The following MRPS6 variants were observed in gnomAD, a reference collection of about 807,000 sequenced individuals.
MRPS6 encodes small ribosomal subunit protein bS6m.
MRPS6 carries 6 observed loss-of-function variants against 13.1 expected under a neutral mutation model. The ratio of observed to expected loss-of-function variants is 0.46; its 90% confidence interval spans 0.25 to 0.91. MRPS6 has a LOEUF of 0.91. MRPS6 is among the 40% of genes least tolerant of loss of function. MRPS6 has a pLI of 0.18. For missense variants in MRPS6, 164 were observed against 155.6 expected, an observed-to-expected ratio of 1.05 and a Z score of -0.29; for synonymous variants, 61 against 56.5, an observed-to-expected ratio of 1.08 and a Z score of -0.36.
intron 1 of MRPS6, 40 bp downstream of exon 1, chr21:34,073,785 C>G (rs375691852): frequency 1.1e-5 from 15 of 1,426,000 alleles, no homozygotes; most frequent in East Asian, 3.2e-5. Flanking sequence ...CCCGCGCGGG[C>G]GCCCCCGCTG....
intron 1 of MRPS6, chr21:34,095,168 A>C (rs1216355160): frequency 7.1e-7 from 1 of 1,409,348 alleles, no homozygotes; most frequent in Admixed American, 2.8e-5. Context: ...CACTTCTGTC[A>C]TTGGAGCGCT....
chr21:34,102,840 T>G, intron 1 of MRPS6: 1 of 1,000,152 alleles, frequency 1.0e-6, no homozygotes, highest in Non-Finnish European at 1.2e-6. Flanking sequence ...TCTAGGTTGT[T>G]TACATTCAGA....
Position 34,073,756 on chromosome 21 carries a change from T to G in MRPS6, c.45+11T>G. ...AAAGCCATGCAGCGGGTAAGTGACCTTCCCTCAGAGCCGGTCTTCCCGCGC... is the reference window on the plus strand; with the variant it reads ...AAAGCCATGCAGCGGGTAAGTGACCGTCCCTCAGAGCCGGTCTTCCCGCGC... On this transcript the variant is annotated intron_variant, in intron 1 of 2. Transcript: ENST00000399312. 2.7e-6 allele frequency: 4 copies of G among 1,506,616 alleles called. No individual in the cohort carries two copies. Among genetic ancestry groups the G allele is most frequent in the Non-Finnish European group, 3.6e-6 (4 of 1,120,778 alleles). 93.3% of individuals were successfully genotyped at this position (1,506,616 alleles called of 1,614,324 possible). A position where few individuals can be genotyped will look rare whatever the true frequency, so the allele number is the denominator to read the frequency against.
At chr21:34,092,769 C>G (rs531530878) in intron 1 of MRPS6, among the ~76,000 whole-genome samples, 8 of 152,166 alleles carry the variant, frequency 5.3e-5, no homozygotes, top group Non-Finnish European at 1.2e-4. Flanking sequence ...CTATTTCCCC[C>G]CCAACGGCCA....
At chr21:34,114,236 T>C (rs1979816056) in intron 1 of MRPS6, among the ~76,000 whole-genome samples, 1 of 152,234 alleles carries the variant, frequency 6.6e-6, no homozygotes, top group Non-Finnish European at 1.5e-5. Flanking sequence ...TTCTAGCTGA[T>C]GCAGTAGTAT....
chr21:34,080,791 G>T (rs112146008), intron 1 of MRPS6, among the ~76,000 whole-genome samples: 16 of 152,170 alleles, frequency 1.1e-4, no homozygotes, highest in Non-Finnish European at 1.6e-4. Context: ...TTACTAAGCT[G>T]CCTTGAGGGG....
chr21:34,094,305 A>C (rs1454499036), intron 1 of MRPS6, among the ~76,000 whole-genome samples: 1 of 152,136 alleles, frequency 6.6e-6, no homozygotes, highest in Admixed American at 6.6e-5. Context: ...AAGCTTTATA[A>C]CAATACATTT....
In MRPS6 at chr21:34,109,069, TGAAAAA is replaced by T. The variant is rs533476617; in HGVS notation, c.46-16268_46-16263del. Among the ~76,000 whole-genome samples the T allele has an allele frequency of 5.1e-4, 78 of 152,278 alleles. 2 individuals are homozygous for T. In the East Asian group the frequency reaches 0.013, roughly 26 times the overall value. On this transcript the variant is annotated intron_variant, in intron 1 of 2. Coordinates refer to ENST00000399312, the MANE Select transcript of MRPS6 (RefSeq NM_032476.4). ...AAACTTTATCTTCCAACCCTTCTGT[TGAAAAA>T]GAATAAAATTTCTGTTGAGTTTTTC...
chr21:34,082,159 T>A (rs1989473996), intron 1 of MRPS6, among the ~76,000 whole-genome samples: 1 of 152,162 alleles, frequency 6.6e-6, no homozygotes, highest in Non-Finnish European at 1.5e-5. Flanking sequence ...AATCTAGATA[T>A]TCAGATAATT....
chr21:34,103,061 GT>G, intron 1 of MRPS6: 1 of 999,998 alleles, frequency 1.0e-6, no homozygotes, highest in Non-Finnish European at 1.2e-6. Flanking sequence ...TAAGTGGAAT[GT>G]TCATTAGTAA....
At chr21:34,132,182 G>C (rs900521117) in intron 2 of MRPS6, among the ~76,000 whole-genome samples, 1 of 152,182 alleles carries the variant, frequency 6.6e-6, no homozygotes, top group Non-Finnish European at 1.5e-5. Flanking sequence ...CCTGGGAGAA[G>C]AGGTCGGGAG....
At position 34,135,871 on chromosome 21, in the gene MRPS6, C is replaced by T. The variant is rs570231212; in HGVS notation, c.186-6537C>T. 51 of 542,738 alleles carry T rather than the reference C, an allele frequency of 9.4e-5. No homozygotes were observed. In the East Asian group the frequency reaches 1.3e-3, roughly 14 times the overall value. The allele number at this position is 542,738 out of a possible 1,614,324, so 33.6% of individuals were successfully genotyped here. A position where few individuals can be genotyped will look rare whatever the true frequency, so the allele number is the denominator to read the frequency against. ...AATGGGGCACTGAGCTTTGCAGAAG[C>T]GTTTGGCAGCATAAGGCCCTGCATT... On this transcript the variant is annotated intron_variant, in intron 2 of 2. Coordinates refer to ENST00000399312, the MANE Select transcript of MRPS6 (RefSeq NM_032476.4).
chr21:34,142,308 TTGA>T (rs1980933447), intron 2 of MRPS6, 97 bp from the exon 3 acceptor site: 2 of 1,305,182 alleles, frequency 1.5e-6, no homozygotes, highest in South Asian at 3.3e-5. Context: ...TTGTGTGTAG[TTGA>T]TGTCTGTCTA....
chr21:34,098,470 T>G (rs1231363612), intron 1 of MRPS6: 2 of 1,000,172 alleles, frequency 2.0e-6, no homozygotes, highest in African/African-American at 3.5e-5. Context: ...CTGATTTTTT[T>G]TTTCCTCAAA....
intron 1 of MRPS6, chr21:34,098,088 AATG>A: frequency 1.0e-6 from 1 of 999,554 alleles, no homozygotes; most frequent in Non-Finnish European, 1.2e-6. Flanking sequence ...TGTGTTGTTA[AATG>A]ATTATGGGGG....
intron 2 of MRPS6, among the ~76,000 whole-genome samples, chr21:34,137,041 G>A (rs1980730261): frequency 6.6e-6 from 1 of 152,032 alleles, no homozygotes; most frequent in African/African-American, 2.4e-5. Flanking sequence ...CTGTGTATCT[G>A]TACATGAATA....
At chr21:34,098,964 A>G (rs565321498) in intron 1 of MRPS6, 292 of 986,480 alleles carry the variant, frequency 3.0e-4, no homozygotes, top group Admixed American at 6.2e-4. Context: ...TTTCATAAAT[A>G]CTTTTGTAGA....
chr21:34,132,640 G>A (rs2123266364), intron 2 of MRPS6, among the ~76,000 whole-genome samples: 1 of 152,332 alleles, frequency 6.6e-6, no homozygotes, highest in Admixed American at 6.5e-5. Flanking sequence ...AAGAGATACA[G>A]TATACAGAGT....
At chr21:34,122,593 A>G (rs966919744) in intron 1 of MRPS6, 2 of 152,204 alleles carry the variant, frequency 1.3e-5, no homozygotes, top group African/African-American at 2.4e-5. Flanking sequence ...TGAGTTTTAT[A>G]CTGTAAACAC....
Sources: gnomAD v4.1 joint callset for allele counts (sites outside exome capture counted in the v4.1 genomes callset) on GRCh38, gnomAD v4.1.1 for gene constraint, MANE v1.5 for transcripts, NCBI Gene and HGNC (gene_info 2026-07-23, HGNC 2026-07-21) for gene names.